Variants in PITPNM2 observed in about 807,000 individuals in gnomAD.
PITPNM2 encodes the protein phosphatidylinositol transfer protein membrane associated 2, also known as membrane-associated phosphatidylinositol transfer protein 2.
PITPNM2 carries 35 observed loss-of-function variants against 132.2 expected under a neutral mutation model. The observed-to-expected ratio is 0.26, with a 90% confidence interval of 0.20 to 0.35. The LOEUF is 0.35. Among genes scored for constraint, PITPNM2 ranks in the 10% least tolerant of loss-of-function variants. The pLI is 1.00. For synonymous variants in PITPNM2, 738 were observed against 799.2 expected (o/e 0.92, Z 1.29); for missense variants, 1,332 against 1,912.0 (o/e 0.70, Z 5.66).
rs532423091 is a variant in PITPNM2 at position 123,022,782 on chromosome 12, C to T, written c.79-8740G>A. Among the ~76,000 whole-genome samples the T allele has an allele frequency of 1.8e-4, 28 of 152,346 alleles. No homozygotes were observed. Among genetic ancestry groups the T allele is most frequent in the African/African-American group, 6.7e-4 (28 of 41,572 alleles). On this transcript the variant is annotated intron_variant, in intron 3 of 25. Coordinates refer to ENST00000320201, the MANE Select transcript of PITPNM2 (RefSeq NM_020845.3). The surrounding 1 kb of genome is among the most constrained non-coding windows in gnomAD (Gnocchi z 4.9). ...CCCCCAACCCCTACCTAATAGGCAC[C>T]AGGCATGGTGGGTAGCTGGTCTGGC...
rs1408692901 is a variant in PITPNM2, at chr12:123,106,698, T to C, written c.-96+3687A>G. On this transcript the variant is annotated intron_variant, in intron 2 of 25. Transcript: ENST00000320201. The surrounding 1 kb of genome is among the most constrained non-coding windows in gnomAD (Gnocchi z 4.4). ...GGTCATCAGATTGTGCCCAGATCTC[T>C]ACCAAGCTCTGTGGGGACAGCAAAG... is the stretch of plus-strand genomic sequence containing the variant. Among the ~76,000 whole-genome samples, 1 of 152,174 alleles carries C rather than the reference T, an allele frequency of 6.6e-6. No homozygotes were observed. Among genetic ancestry groups the C allele is most frequent in the Non-Finnish European group, 1.5e-5 (1 of 68,022 alleles).
chr12:123,092,858 G>A (rs2042307284), intron 2 of PITPNM2: 1 of 152,248 alleles, frequency 6.6e-6, no homozygotes, highest in African/African-American at 2.4e-5. Context: ...CGAGCCCCTG[G>A]AGCCCCTCTG....
rs555302282 is a variant in PITPNM2 at position 123,095,739 on chromosome 12, G to C, written c.-96+14646C>G. Among the ~76,000 whole-genome samples, 4 of 152,132 alleles carry C rather than the reference G, an allele frequency of 2.6e-5. No homozygotes were observed. Among genetic ancestry groups the C allele is most frequent in the African/African-American group, 9.7e-5 (4 of 41,424 alleles). The stretch of plus-strand genomic sequence containing the variant: ...GAGCCCATGGGGCTCCTCCTGCCTC[G>C]GGGCCATTGTGAAGGCGGTTCCCTC... On this transcript the variant is annotated intron_variant, in intron 2 of 25. Coordinates refer to ENST00000320201, the MANE Select transcript of PITPNM2 (RefSeq NM_020845.3). This position sits in a 1 kb window ranked among gnomAD's most constrained non-coding sequence, Gnocchi z 5.0.
intron 2 of PITPNM2, among the ~76,000 whole-genome samples, chr12:123,070,387 G>A (rs2041587830): frequency 6.6e-6 from 1 of 152,146 alleles, no homozygotes; most frequent in South Asian, 2.1e-4. Context: ...AGGGCCCCAG[G>A]ACCGTGTGGG....
intron 1 of PITPNM2, among the ~76,000 whole-genome samples, chr12:123,113,687 C>T (rs187549659): frequency 7.0e-4 from 103 of 146,350 alleles, no homozygotes; most frequent in African/African-American, 2.4e-3. Context: ...AGTGACACAG[C>T]AAGACCATCT....
In PITPNM2 at chr12:122,992,675, G is replaced by C. The variant is rs1338847807; in HGVS notation, c.2234-6C>G. 6.4e-7 allele frequency: 1 copy of C among 1,552,888 alleles called. No individual in the cohort carries two copies. The highest frequency in any genetic ancestry group is 8.7e-7 in the Non-Finnish European group (1 of 1,146,850). On this transcript the variant is annotated splice_polypyrimidine_tract_variant and splice_region_variant and intron_variant, in intron 15 of 25. Transcript: ENST00000320201. This position sits in a 1 kb window ranked among gnomAD's most constrained non-coding sequence, Gnocchi z 6.5. Reference sequence around the variant, plus strand: ...GGCCGGCCGCAGCTGGAAAACTGGGGGTGGGGGTGTTGGCTGCAGAGCTGG... The same window carrying C: ...GGCCGGCCGCAGCTGGAAAACTGGGCGTGGGGGTGTTGGCTGCAGAGCTGG...
intron 3 of PITPNM2, among the ~76,000 whole-genome samples, chr12:123,018,300 T>C (rs1233720571): frequency 2.6e-5 from 1 of 38,070 alleles, no homozygotes. Context: ...TTTCTTTTTT[T>C]TTTTTTTTTT....
intron 1 of PITPNM2, among the ~76,000 whole-genome samples, chr12:123,118,264 G>C (rs965301216): frequency 6.6e-6 from 1 of 152,202 alleles, no homozygotes; most frequent in Non-Finnish European, 1.5e-5. Flanking sequence ...TGACAGTTCA[G>C]GGAGATTGGA....
chr12:123,066,651 A>T (rs2041428453), intron 2 of PITPNM2, among the ~76,000 whole-genome samples: 1 of 152,132 alleles, frequency 6.6e-6, no homozygotes, highest in Non-Finnish European at 1.5e-5. Flanking sequence ...CTATTAGAGA[A>T]AGTTCCTATA....
intron 2 of PITPNM2, chr12:123,081,131 C>T (rs1485430225): frequency 6.6e-6 from 1 of 152,370 alleles, no homozygotes; most frequent in East Asian, 1.9e-4. Context: ...CTTCCCTCAA[C>T]CCCTCCTCTC....
At chr12:122,989,318 C>T (rs1002829544) in intron 18 of PITPNM2, among the ~76,000 whole-genome samples, 2 of 152,178 alleles carry the variant, frequency 1.3e-5, no homozygotes, top group East Asian at 1.9e-4. Context: ...CTGCCCTTCT[C>T]GCACCTGGGC....
rs372240371 is a variant in PITPNM2 at position 123,093,129 on chromosome 12, A to G, written c.-96+17256T>C. Among the ~76,000 whole-genome samples, 9 of 152,314 alleles carry G rather than the reference A, an allele frequency of 5.9e-5. No homozygotes were observed. The South Asian group carries it at 8.3e-4, about 14-fold the overall frequency. ...GAAGAAACCAGACACAAAATGCCACATGGTGTGTCACTCCGTTCATAAGAA... is the reference window on the plus strand; with the variant it reads ...GAAGAAACCAGACACAAAATGCCACGTGGTGTGTCACTCCGTTCATAAGAA... On this transcript the variant is annotated intron_variant, in intron 2 of 25. Transcript: ENST00000320201.
At chr12:123,088,701 T>C (rs1029225951) in intron 2 of PITPNM2, 2 of 152,206 alleles carry the variant, frequency 1.3e-5, no homozygotes, top group Non-Finnish European at 2.9e-5. Context: ...TAGCAAACTT[T>C]CGAGAAGTTC....
intron 20 of PITPNM2, 90 bp from the exon 21 acceptor site, chr12:122,987,991 G>C (rs1394556460): frequency 8.2e-7 from 1 of 1,218,364 alleles, no homozygotes; most frequent in Non-Finnish European, 1.2e-6. Flanking sequence ...CTGAGGGGCA[G>C]GCTTGAGCTG....
intron 2 of PITPNM2, among the ~76,000 whole-genome samples, chr12:123,044,994 C>T (rs1322323897): frequency 6.6e-6 from 1 of 152,100 alleles, no homozygotes; most frequent in Non-Finnish European, 1.5e-5. Context: ...TCAAATGGAC[C>T]AACCCATTGC....
intron 3 of PITPNM2, 145 bp downstream of exon 3, chr12:123,034,368 G>A (rs1191157754): frequency 1.4e-6 from 1 of 716,932 alleles, no homozygotes; most frequent in South Asian, 1.8e-5. Context: ...AGAGGCCAGG[G>A]GTCCAGCACA....
At chr12:123,128,646 G>A (rs1359313989) in intron 1 of PITPNM2, among the ~76,000 whole-genome samples, 2 of 150,306 alleles carry the variant, frequency 1.3e-5, no homozygotes, top group African/African-American at 2.5e-5. Flanking sequence ...CCAGCTACTC[G>A]GGAGACTGAG....
At chr12:123,143,141 C>A (rs1262596846) in intron 1 of PITPNM2, among the ~76,000 whole-genome samples, 1 of 148,246 alleles carries the variant, frequency 6.7e-6, no homozygotes, top group Non-Finnish European at 1.5e-5. Context: ...TCCCTCGATC[C>A]CTCCCTCCAA....
At chr12:123,066,029 G>C (rs1425736795) in intron 2 of PITPNM2, among the ~76,000 whole-genome samples, 3 of 152,228 alleles carry the variant, frequency 2.0e-5, no homozygotes, top group Non-Finnish European at 4.4e-5. Context: ...GTTGTATCCA[G>C]CCCTGTATGC....
Sources: allele counts gnomAD v4.1 joint callset (sites outside exome capture counted in the v4.1 genomes callset), GRCh38; gene constraint gnomAD v4.1.1; non-coding constraint Gnocchi (gnomAD v3.1); transcripts MANE v1.5; gene names NCBI Gene and HGNC (gene_info 2026-07-23, HGNC 2026-07-21).